Variants in DOCK11 observed in about 807,000 individuals in gnomAD.
DOCK11 encodes the protein dedicator of cytokinesis protein 11.
Under a neutral mutation model 169.1 loss-of-function variants are expected in DOCK11, and 70 were observed. The ratio of observed to expected loss-of-function variants is 0.41; its 90% CI spans 0.34 to 0.51. The LOEUF is 0.51. Among genes scored for constraint, DOCK11 ranks in the 20% least tolerant of loss-of-function variants. The pLI is 0.10. For missense variants in DOCK11, 1,166 were observed against 1,538.8 expected, an observed-to-expected ratio of 0.76 and a Z score of 4.05; for synonymous variants, 529 against 541.3, an observed-to-expected ratio of 0.98 and a Z score of 0.32.
intron 1 of DOCK11, among the ~76,000 whole-genome samples, chrX:118,540,662 A>G (rs2011957215): frequency 9.0e-6 from 1 of 110,922 alleles, no homozygotes; most frequent in Non-Finnish European, 1.9e-5. Flanking sequence ...TTTCTAAATA[A>G]TCTTCTACAG....
intron 1 of DOCK11, among the ~76,000 whole-genome samples, chrX:118,511,279 C>A (rs1569403377): frequency 8.9e-6 from 1 of 112,052 alleles, no homozygotes; most frequent in Non-Finnish European, 1.9e-5. Context: ...CATTCACTAT[C>A]TTCACTTTTC....
chrX:118,654,953 A>G lies in DOCK11; in HGVS notation c.4961A>G (p.His1654Arg). 1.7e-6 allele frequency: 2 copies of G among 1,207,573 alleles called. No individual in the cohort carries two copies. The highest frequency in any genetic ancestry group is 1.8e-5 in the South Asian group (1 of 56,833). The change falls in exon 44 of 53, where the codon CAT (histidine) becomes CGT (arginine). Residue 1654 changes from histidine (H) to arginine (R), a missense_variant. Transcript: ENST00000276202. ...HVAALVAEFL[H>R]RKKLFPNGCS... ...GCAGCTCTAGTTGCAGAGTTTCTTC[A>G]TCGAAAAAGTAAGATATTTCTGTTT...
intron 1 of DOCK11, among the ~76,000 whole-genome samples, chrX:118,540,974 G>GA (rs1431735684): frequency 9.0e-6 from 1 of 111,610 alleles, no homozygotes. Flanking sequence ...AGAGTGTTGA[G>GA]ACATGGCTCT....
At chrX:118,671,413 T>G (rs181217013) in intron 46 of DOCK11, among the ~76,000 whole-genome samples, 140 of 111,608 alleles carry the variant, frequency 1.3e-3, no homozygotes, top group African/African-American at 4.3e-3. Context: ...ATGTTTGAGA[T>G]GATACATTTA....
intron 36 of DOCK11, among the ~76,000 whole-genome samples, chrX:118,637,157 G>A (rs1049637615): frequency 1.6e-4 from 18 of 111,346 alleles, no homozygotes; most frequent in African/African-American, 5.6e-4. Flanking sequence ...TTTAACTACT[G>A]TAATTGTACT....
At chrX:118,653,040 A>G (rs1161920325) in intron 42 of DOCK11, among the ~76,000 whole-genome samples, 1 of 112,081 alleles carries the variant, frequency 8.9e-6, no homozygotes, top group Non-Finnish European at 1.9e-5. Flanking sequence ...GGGGATCAGT[A>G]TATGCTCCAG....
chrX:118,604,213 A>G (rs1320660512), intron 23 of DOCK11, among the ~76,000 whole-genome samples: 1 of 111,967 alleles, frequency 8.9e-6, no homozygotes, highest in Non-Finnish European at 1.9e-5. Flanking sequence ...ATGGGGAGAC[A>G]TCGAAAAAAT....
intron 6 of DOCK11, among the ~76,000 whole-genome samples, chrX:118,550,372 G>A (rs1220544574): frequency 2.7e-5 from 3 of 110,230 alleles, no homozygotes; most frequent in Admixed American, 1.9e-4. Context: ...CTGGGAGGTC[G>A]AGGCTGTAGT....
chrX:118,514,136 G>A (rs1415549710), intron 1 of DOCK11, among the ~76,000 whole-genome samples: 1 of 109,993 alleles, frequency 9.1e-6, no homozygotes, highest in African/African-American at 3.3e-5. Context: ...TTAAACGTCT[G>A]ACCTTTCCCC....
At chrX:118,637,384 A>G (rs1468004814) in intron 36 of DOCK11, among the ~76,000 whole-genome samples, 2 of 111,755 alleles carry the variant, frequency 1.8e-5, no homozygotes. Context: ...TTTTAATAAT[A>G]TAAAGTATTT....
chrX:118,531,703 G>A (rs1485470288), intron 1 of DOCK11, among the ~76,000 whole-genome samples: 4 of 108,834 alleles, frequency 3.7e-5, no homozygotes, highest in Admixed American at 9.9e-5. Context: ...GATTACAGGC[G>A]CCCGCCACCA....
chrX:118,634,756 T>G (rs1009129548), intron 35 of DOCK11, among the ~76,000 whole-genome samples: 1 of 112,079 alleles, frequency 8.9e-6, no homozygotes, highest in Admixed American at 9.4e-5. Flanking sequence ...AGATGGAGTC[T>G]CACTCTGTTG....
In DOCK11 at chrX:118,542,782, A is replaced by T. The variant is rs761642117; in HGVS notation, c.160A>T (p.Thr54Ser). The change falls in exon 2 of 53, where the codon ACC becomes TCC. Residue 54 changes from threonine (T) to serine (S), a missense_variant. By Grantham distance (58) the Thr-to-Ser change is moderately conservative. Transcript: ENST00000276202. ...TGAGAATGTTATTGCCCAAAGAAAA[A>T]CCCAGATTTACAGCGACCCCCTCCG... Reference protein sequence around the residue: ...DYENVIAQRKTQIYSDPLRDL... With the variant: ...DYENVIAQRKSQIYSDPLRDL... 16 of 1,208,922 alleles carry T rather than the reference A, an allele frequency of 1.3e-5. No homozygotes were observed. The highest frequency in any genetic ancestry group is 1.7e-5 in the Non-Finnish European group (15 of 894,785).
intron 39 of DOCK11, 108 bp from the exon 40 acceptor site, chrX:118,643,349 C>T: frequency 1.2e-6 from 1 of 816,829 alleles, no homozygotes; most frequent in Non-Finnish European, 1.7e-6. Context: ...ATGCAAGAGC[C>T]TTTTATTTTC....
At chrX:118,531,703 G>T (rs1485470288) in intron 1 of DOCK11, among the ~76,000 whole-genome samples, 1 of 108,834 alleles carries the variant, frequency 9.2e-6, no homozygotes, top group Non-Finnish European at 1.9e-5. Context: ...GATTACAGGC[G>T]CCCGCCACCA....
Position 118,618,744 on chromosome X carries a change from C to G in DOCK11, c.3471+16C>G, listed in dbSNP as rs1192482316. ...CCAGCACAAGGTAAGGATATCCATGCAGTCATCAGTATCACACTGGTAGAG... is the reference window on the plus strand; with the variant it reads ...CCAGCACAAGGTAAGGATATCCATGGAGTCATCAGTATCACACTGGTAGAG... On this transcript the variant is annotated intron_variant, in intron 31 of 52. Coordinates refer to ENST00000276202, the MANE Select transcript of DOCK11 (RefSeq NM_144658.4). 2 of 1,153,466 alleles carry G rather than the reference C, an allele frequency of 1.7e-6. No individual in the cohort carries two copies. The highest frequency in any genetic ancestry group is 4.7e-5 in the Admixed American group (2 of 42,674).
intron 7 of DOCK11, among the ~76,000 whole-genome samples, chrX:118,561,987 G>A (rs749612046): frequency 1.4e-4 from 15 of 109,733 alleles, no homozygotes; most frequent in Admixed American, 3.9e-4. Flanking sequence ...GCAACATGGT[G>A]AAACCCCGTC....
chrX:118,562,090 C>T (rs1037271378), intron 7 of DOCK11, among the ~76,000 whole-genome samples: 10 of 107,025 alleles, frequency 9.3e-5, no homozygotes, highest in Non-Finnish European at 1.5e-4. Context: ...CGCTTGAACC[C>T]AGGAGTCAGA....
chrX:118,571,095 G>A (rs888285521), intron 10 of DOCK11, among the ~76,000 whole-genome samples: 23 of 111,194 alleles, frequency 2.1e-4, no homozygotes, highest in African/African-American at 6.5e-4. Context: ...TAAGTTAAAC[G>A]TAGGTAGTCC....
Sources: gnomAD v4.1 joint callset for allele counts (sites outside exome capture counted in the v4.1 genomes callset) on GRCh38, gnomAD v4.1.1 for gene constraint, MANE v1.5 for transcripts, NCBI Gene and HGNC (gene_info 2026-07-23, HGNC 2026-07-21) for gene names.